Variants in FANK1 observed in about 807,000 individuals in gnomAD.
FANK1 encodes fibronectin type III and ankyrin repeat domains 1, also known as fibronectin type 3 and ankyrin repeat domains protein 1.
In FANK1, 44 loss-of-function variants were observed where a neutral mutation model predicts 45.3. The observed-to-expected ratio is 0.97, with a 90% CI of 0.76 to 1.25. The LOEUF (loss-of-function observed/expected upper bound fraction) is 1.25, where lower values mean the gene tolerates loss of function less well. Among genes scored for constraint, FANK1 ranks in the 50% most tolerant of loss-of-function variants. FANK1 has a pLI of 0.00. For missense variants in FANK1, 391 were observed against 424.4 expected, an observed-to-expected ratio of 0.92 and a Z score of 0.69; for synonymous variants, 149 against 152.5, an observed-to-expected ratio of 0.98 and a Z score of 0.17.
At chr10:125,951,258 A>T (rs1012764018) in intron 1 of FANK1, among the ~76,000 whole-genome samples, 1 of 152,080 alleles carries the variant, frequency 6.6e-6, no homozygotes, top group Non-Finnish European at 1.5e-5. Flanking sequence ...AAAGAACAAA[A>T]CAACCAATAT....
chr10:125,972,708 G>A (rs1478110039), intron 1 of FANK1: 1 of 152,144 alleles, frequency 6.6e-6, no homozygotes, highest in Non-Finnish European at 1.5e-5. Context: ...AGAAGATGCA[G>A]GAACATTATC....
At chr10:126,006,055 A>G (rs1056048644) in intron 7 of FANK1, among the ~76,000 whole-genome samples, 1 of 152,264 alleles carries the variant, frequency 6.6e-6, no homozygotes, top group African/African-American at 2.4e-5. Context: ...GACTTTGAAG[A>G]AATTAGCTAA....
chr10:125,969,539 C>T (rs1308594328), intron 1 of FANK1, among the ~76,000 whole-genome samples: 1 of 152,020 alleles, frequency 6.6e-6, no homozygotes, highest in African/African-American at 2.4e-5. Context: ...AGTGTTTGTA[C>T]TGATAACAGA....
At chr10:125,907,317 G>A in intron 1 of FANK1, 1 of 181,972 alleles carries the variant, frequency 5.5e-6, no homozygotes, top group Non-Finnish European at 1.0e-5. Context: ...GTTATCTATT[G>A]CTGCATAAGA....
intron 7 of FANK1, among the ~76,000 whole-genome samples, chr10:126,007,394 A>C (rs1349775968): frequency 6.6e-6 from 1 of 152,238 alleles, no homozygotes; most frequent in Non-Finnish European, 1.5e-5. Flanking sequence ...GTAAAGCATC[A>C]TGTAATATGA....
chr10:125,995,518 TG>T lies in FANK1; in HGVS notation c.398+21del. The T allele has an allele frequency of 6.2e-7, 1 of 1,612,076 alleles. No homozygotes were observed. Among genetic ancestry groups the T allele is most frequent in the Non-Finnish European group, 8.5e-7 (1 of 1,178,276 alleles). On this transcript the variant is annotated intron_variant, in intron 4 of 10. Coordinates refer to ENST00000368693, the MANE Select transcript of FANK1 (RefSeq NM_145235.5). ...AGGAGGGTGAGAGAACTCTGTCAGT[TG>T]TTTTTTTTCCCCCATGCCTATAAAG...
intron 1 of FANK1, among the ~76,000 whole-genome samples, chr10:125,930,157 C>A (rs1390667678): frequency 6.6e-6 from 1 of 151,938 alleles, no homozygotes; most frequent in Non-Finnish European, 1.5e-5. Flanking sequence ...TGGGTTCAAG[C>A]GATTCTCCTG....
At position 125,950,354 on chromosome 10, in the gene FANK1, C is replaced by T. The variant is rs990037853; in HGVS notation, c.14-29807C>T. The stretch of plus-strand genomic sequence containing the variant: ...AACCTACAAAATGGGAGAAAATTTT[C>T]GCAACCTACTCATCTGACAAAGGGC... On this transcript the variant is annotated intron_variant, in intron 1 of 10. Coordinates refer to ENST00000368693, the MANE Select transcript of FANK1 (RefSeq NM_145235.5). 3.0e-3 allele frequency among the ~76,000 whole-genome samples: 445 copies of T among 147,486 alleles called. 2 individuals are homozygous for T. The highest frequency in any genetic ancestry group is 0.01 in the African/African-American group (406 of 40,080).
intron 1 of FANK1, among the ~76,000 whole-genome samples, chr10:125,927,144 G>A (rs529333378): frequency 0.012 from 1,773 of 152,156 alleles, 16 homozygotes; most frequent in African/African-American, 0.04. Context: ...GTCTTGCTCT[G>A]TCACCCCAGC....
intron 1 of FANK1, among the ~76,000 whole-genome samples, chr10:125,914,292 T>TATATATATATATA (rs58995936): frequency 5.3e-5 from 8 of 150,784 alleles, no homozygotes; most frequent in East Asian, 1.9e-4. Flanking sequence ...TATATATATA[T>TATATATATATATA]TTAAAAAGTC....
intron 1 of FANK1, among the ~76,000 whole-genome samples, chr10:125,969,349 TAAA>T (rs538124047): frequency 7.0e-6 from 1 of 141,892 alleles, no homozygotes; most frequent in African/African-American, 2.6e-5. Context: ...TTATCAGACT[TAAA>T]AAAAAAAAAA....
intron 1 of FANK1, among the ~76,000 whole-genome samples, chr10:125,945,474 CAAAG>C (rs1368148413): frequency 3.9e-5 from 6 of 152,188 alleles, no homozygotes; most frequent in Non-Finnish European, 2.9e-5. Flanking sequence ...CTTTCCGAGT[CAAAG>C]AAAGGGGTGA....
chr10:125,962,892 G>T (rs1334088693), intron 1 of FANK1, among the ~76,000 whole-genome samples: 1 of 151,592 alleles, frequency 6.6e-6, no homozygotes, highest in East Asian at 1.9e-4. Context: ...CACATAATTT[G>T]CACCCATTTT....
intron 1 of FANK1, among the ~76,000 whole-genome samples, chr10:125,909,678 C>T (rs1236251563): frequency 6.8e-6 from 1 of 146,302 alleles, no homozygotes; most frequent in Non-Finnish European, 1.5e-5. Context: ...GTCACCATGA[C>T]CAATTAACTT....
At chr10:125,970,817 C>G (rs868656392) in intron 1 of FANK1, among the ~76,000 whole-genome samples, 1 of 151,934 alleles carries the variant, frequency 6.6e-6, no homozygotes, top group African/African-American at 2.4e-5. Context: ...GAGATGGAGA[C>G]GAGGGAGAGG....
chr10:125,907,502 C>T (rs150087915), intron 1 of FANK1: 7 of 982,832 alleles, frequency 7.1e-6, no homozygotes, highest in African/African-American at 7.1e-5. Context: ...ATCGAGTGAA[C>T]GTGAGTAGGA....
rs1666 is a variant in FANK1 at position 126,009,385 on chromosome 10, T to G, written c.985T>G (p.Leu329Val). 0.027 allele frequency: 44,156 copies of G among 1,613,982 alleles called. 905 individuals are homozygous for G. The highest frequency in any genetic ancestry group is 0.03 in the Non-Finnish European group (35,648 of 1,179,930). ...RVFDRQSVVS[L>V]LEERKKKQRP... ...TTTGTTTATCTAGAGTGTAGTCTCC[T>G]TATTAGAAGAAAGGAAAAAAAAGCA... The change falls in exon 11 of 11, where the codon TTA becomes GTA. Residue 329 changes from leucine (L) to valine (V), a missense_variant. Leu to Val is a conservative substitution (Grantham distance 32). Coordinates refer to ENST00000368693, the MANE Select transcript of FANK1 (RefSeq NM_145235.5).
At chr10:125,952,337 G>C (rs959083992) in intron 1 of FANK1, among the ~76,000 whole-genome samples, 11 of 152,134 alleles carry the variant, frequency 7.2e-5, no homozygotes, top group Admixed American at 1.3e-4. Flanking sequence ...TTTGGTGTTT[G>C]GGTGTTTGCC....
chr10:125,966,474 C>A (rs1950206552), intron 1 of FANK1, among the ~76,000 whole-genome samples: 1 of 152,104 alleles, frequency 6.6e-6, no homozygotes, highest in Non-Finnish European at 1.5e-5. Flanking sequence ...TGTTTGGTGT[C>A]CAATGTTCCC....
Sources: gnomAD v4.1 joint callset for allele counts (sites outside exome capture counted in the v4.1 genomes callset) on GRCh38, gnomAD v4.1.1 for gene constraint, MANE v1.5 for transcripts, NCBI Gene and HGNC (gene_info 2026-07-23, HGNC 2026-07-21) for gene names.